The following CADM2 variants were observed in gnomAD, a reference collection of about 807,000 sequenced individuals.
CADM2 encodes the protein immunoglobulin superfamily member 4D.
CADM2 carries 12 observed loss-of-function variants against 49.8 expected under a neutral mutation model. The ratio of observed to expected loss-of-function variants is 0.24; its 90% CI spans 0.15 to 0.39. CADM2 has a LOEUF of 0.39. Ranked by LOEUF, CADM2 falls within the 10% of genes least tolerant of loss-of-function variation. CADM2 has a pLI of 1.00. For missense variants in CADM2, 378 were observed against 492.3 expected, an observed-to-expected ratio of 0.77 and a Z score of 2.20; for synonymous variants, 214 against 175.4, an observed-to-expected ratio of 1.22 and a Z score of -1.74.
chr3:85,140,536 C>T (rs1424614405), intron 1 of CADM2, among the ~76,000 whole-genome samples: 4 of 152,144 alleles, frequency 2.6e-5, no homozygotes, highest in African/African-American at 7.2e-5. Context: ...CCTTGTAAAT[C>T]CTCCCATATC....
chr3:86,000,839 T>C (rs1024845801), intron 8 of CADM2, among the ~76,000 whole-genome samples: 7 of 152,118 alleles, frequency 4.6e-5, no homozygotes, highest in African/African-American at 9.7e-5. Flanking sequence ...GTTTTTATCC[T>C]AGGAGTGATT....
At chr3:86,008,159 G>C (rs1003704101) in intron 8 of CADM2, among the ~76,000 whole-genome samples, 2 of 152,088 alleles carry the variant, frequency 1.3e-5, no homozygotes, top group Non-Finnish European at 2.9e-5. Context: ...TATTCTAAAG[G>C]ATAGTATTGC....
intron 7 of CADM2, among the ~76,000 whole-genome samples, chr3:85,940,981 C>T (rs560441271): frequency 1.3e-5 from 2 of 152,108 alleles, no homozygotes; most frequent in East Asian, 3.9e-4. Context: ...CAAAATGTTA[C>T]ATTTGTTGTA....
intron 1 of CADM2, among the ~76,000 whole-genome samples, chr3:85,584,507 T>A (rs1466702304): frequency 1.3e-5 from 2 of 152,108 alleles, no homozygotes; most frequent in Non-Finnish European, 2.9e-5. Flanking sequence ...GTGCTTGCCG[T>A]CAAAAGGGGA....
At chr3:85,226,538 G>A (rs1294136493) in intron 1 of CADM2, among the ~76,000 whole-genome samples, 7 of 151,460 alleles carry the variant, frequency 4.6e-5, no homozygotes, top group African/African-American at 1.7e-4. Flanking sequence ...TCTGGCTAGT[G>A]GTCTATTTTG....
chr3:85,097,208 T>C (rs2037832883), intron 1 of CADM2, among the ~76,000 whole-genome samples: 1 of 152,158 alleles, frequency 6.6e-6, no homozygotes, highest in African/African-American at 2.4e-5. Context: ...GTCCATGTGT[T>C]CTCATTGTTC....
intron 3 of CADM2, among the ~76,000 whole-genome samples, chr3:85,831,095 G>T (rs1346430413): frequency 6.6e-6 from 1 of 151,728 alleles, no homozygotes; most frequent in Admixed American, 6.6e-5. Flanking sequence ...GTGGTATTTG[G>T]TTTTCTGTTC....
intron 1 of CADM2, among the ~76,000 whole-genome samples, chr3:85,346,642 A>G (rs2030676794): frequency 6.6e-6 from 1 of 152,222 alleles, no homozygotes; most frequent in South Asian, 2.1e-4. Flanking sequence ...ATCAGTGGGA[A>G]AAGAGTTAAT....
chr3:85,775,348 T>C (rs138640219), intron 2 of CADM2, among the ~76,000 whole-genome samples: 1 of 151,874 alleles, frequency 6.6e-6, no homozygotes, highest in Non-Finnish European at 1.5e-5. Context: ...TGTGCCCTAT[T>C]ATAGTATAAT....
chr3:86,045,359 C>T (rs1186573334), intron 8 of CADM2, among the ~76,000 whole-genome samples: 6 of 152,114 alleles, frequency 3.9e-5, no homozygotes. Context: ...TGAAGGTAAT[C>T]AGATGGGCCT....
intron 1 of CADM2, among the ~76,000 whole-genome samples, chr3:85,322,679 T>C (rs1285373529): frequency 1.3e-5 from 2 of 152,214 alleles, no homozygotes; most frequent in African/African-American, 4.8e-5. Context: ...TTTTAAAGTA[T>C]TTTTAAAAAT....
chr3:84,984,310 A>G (rs1227336160), intron 1 of CADM2, among the ~76,000 whole-genome samples: 2 of 142,304 alleles, frequency 1.4e-5, no homozygotes, highest in Non-Finnish European at 1.5e-5. Flanking sequence ...CATCTTTGCA[A>G]TTCCCTAGTT....
intron 1 of CADM2, among the ~76,000 whole-genome samples, chr3:85,348,449 T>C (rs1303472675): frequency 6.6e-6 from 1 of 152,196 alleles, no homozygotes; most frequent in African/African-American, 2.4e-5. Flanking sequence ...AAGTTACACA[T>C]AAAAGTAACC....
At chr3:84,959,950 G>C in intron 1 of CADM2, 1 of 528,300 alleles carries the variant, frequency 1.9e-6, no homozygotes, top group Non-Finnish European at 3.4e-6. Context: ...ATTCCCGCCA[G>C]CATCCCCCTC....
At chr3:85,174,281 T>G (rs906637949) in intron 1 of CADM2, among the ~76,000 whole-genome samples, 8 of 152,190 alleles carry the variant, frequency 5.3e-5, no homozygotes, top group African/African-American at 1.7e-4. Context: ...TGTTGTGCCC[T>G]GTAAGAAAGC....
intron 3 of CADM2, among the ~76,000 whole-genome samples, chr3:85,871,550 C>T (rs2108354444): frequency 6.6e-6 from 1 of 152,204 alleles, no homozygotes; most frequent in African/African-American, 2.4e-5. Flanking sequence ...CTGAACCTCT[C>T]TGATGTTTAG....
intron 1 of CADM2, among the ~76,000 whole-genome samples, chr3:85,296,971 C>G (rs1164584351): frequency 6.6e-6 from 1 of 151,954 alleles, no homozygotes; most frequent in Non-Finnish European, 1.5e-5. Flanking sequence ...TTCCCAGGTG[C>G]TATTACATTC....
chr3:85,094,404 T>G (rs1240998355), intron 1 of CADM2, among the ~76,000 whole-genome samples: 4 of 152,170 alleles, frequency 2.6e-5, no homozygotes, highest in Non-Finnish European at 5.9e-5. Context: ...AATGTATATT[T>G]ATTCATATAC....
At chr3:85,447,137 C>G (rs2037507749) in intron 1 of CADM2, among the ~76,000 whole-genome samples, 1 of 149,782 alleles carries the variant, frequency 6.7e-6, no homozygotes, top group Admixed American at 6.7e-5. Context: ...TTTTGTATTG[C>G]TATATTGGCC....
Sources: gnomAD v4.1 joint callset for allele counts (sites outside exome capture counted in the v4.1 genomes callset) on GRCh38, gnomAD v4.1.1 for gene constraint, MANE v1.5 for transcripts, NCBI Gene and HGNC (gene_info 2026-07-23, HGNC 2026-07-21) for gene names.